Variants in TRPC4 observed in about 807,000 individuals in gnomAD.
The protein encoded by TRPC4 is short transient receptor potential channel 4.
TRPC4 carries 49 observed loss-of-function variants against 99.4 expected under a neutral mutation model. That is an observed-to-expected ratio of 0.49 (90% CI 0.39 to 0.63). The LOEUF is 0.63. Among genes scored for constraint, TRPC4 ranks in the 20% least tolerant of loss-of-function variants. TRPC4 has a pLI of 0.00. For missense variants in TRPC4, 898 were observed against 1,152.9 expected (o/e 0.78, Z 3.20); for synonymous variants, 454 against 425.9 (o/e 1.07, Z -0.81).
rs960033085 is a variant in TRPC4, at chr13:37,750,811, C to G, written c.379-4356G>C. 6.6e-5 allele frequency among the ~76,000 whole-genome samples: 10 copies of G among 152,092 alleles called. No individual in the cohort carries two copies. In the East Asian group the frequency reaches 1.8e-3, roughly 27 times the overall value. ...TATCCCTCCCCTAGCCCCCAACCCT[C>G]CGACAGGCCCCGGTGTGTGATGTAC... On this transcript the variant is annotated intron_variant, in intron 2 of 10. Coordinates refer to ENST00000379705, the MANE Select transcript of TRPC4 (RefSeq NM_016179.4).
intron 3 of TRPC4, among the ~76,000 whole-genome samples, chr13:37,745,467 TATATATAC>T (rs1337994685): frequency 0.019 from 412 of 21,646 alleles, 8 homozygotes; most frequent in African/African-American, 0.055. Context: ...TATATATATA[TATATATAC>T]ACACACACAC....
chr13:37,676,378 CTTTT>C (rs10710896), intron 4 of TRPC4, among the ~76,000 whole-genome samples: 3 of 144,186 alleles, frequency 2.1e-5, no homozygotes, highest in African/African-American at 2.6e-5. Flanking sequence ...GGAGTAACAT[CTTTT>C]TTTTTTTTTT....
At chr13:37,806,876 G>C (rs909652204) in intron 1 of TRPC4, among the ~76,000 whole-genome samples, 1 of 151,990 alleles carries the variant, frequency 6.6e-6, no homozygotes, top group Admixed American at 6.6e-5. Flanking sequence ...CACAGTGGGC[G>C]CTGTCTCCTG....
At position 37,740,503 on chromosome 13, in the gene TRPC4, G is replaced by C. The variant is rs12858218; in HGVS notation, c.897+5434C>G. 9.9e-5 allele frequency among the ~76,000 whole-genome samples: 15 copies of C among 152,048 alleles called. No homozygotes were observed. In the South Asian group the frequency reaches 3.1e-3, roughly 32 times the overall value. ...AAGGCCATGATATACAGACAAGTAGGGTTCTAGGCAGTTTTAAGAAGACAC... is the reference window on the plus strand; with the variant it reads ...AAGGCCATGATATACAGACAAGTAGCGTTCTAGGCAGTTTTAAGAAGACAC... On this transcript the variant is annotated intron_variant, in intron 3 of 10. Coordinates refer to ENST00000379705, the MANE Select transcript of TRPC4 (RefSeq NM_016179.4).
intron 3 of TRPC4, among the ~76,000 whole-genome samples, chr13:37,706,312 ATTC>A: frequency 6.6e-6 from 1 of 152,112 alleles, no homozygotes. Context: ...GACGCTTTAT[ATTC>A]TTGTGCCTAT....
chr13:37,722,822 A>G (rs1381644817), intron 3 of TRPC4, among the ~76,000 whole-genome samples: 1 of 152,208 alleles, frequency 6.6e-6, no homozygotes, highest in Non-Finnish European at 1.5e-5. Context: ...GCATGAAAAA[A>G]AAAAGATGAA....
At chr13:37,775,942 G>T (rs1956688442) in intron 2 of TRPC4, among the ~76,000 whole-genome samples, 1 of 151,736 alleles carries the variant, frequency 6.6e-6, no homozygotes, top group Non-Finnish European at 1.5e-5. Context: ...CCTATAATTT[G>T]CTGGTCTTCA....
intron 6 of TRPC4, among the ~76,000 whole-genome samples, chr13:37,660,394 G>A (rs1952392610): frequency 6.6e-6 from 1 of 152,080 alleles, no homozygotes; most frequent in Non-Finnish European, 1.5e-5. Context: ...ATAATTTTTA[G>A]AGCAGTTTTA....
chr13:37,649,755 A>AC (rs1951975104), intron 8 of TRPC4, among the ~76,000 whole-genome samples: 1 of 130,096 alleles, frequency 7.7e-6, no homozygotes, highest in East Asian at 2.1e-4. Context: ...AAAAAAAAAA[A>AC]AAAAACAACA....
At chr13:37,783,541 T>C (rs1337073199) in intron 1 of TRPC4, among the ~76,000 whole-genome samples, 181 bp from the exon 2 acceptor site, 1 of 152,020 alleles carries the variant, frequency 6.6e-6, no homozygotes, top group Non-Finnish European at 1.5e-5. Flanking sequence ...TTCAATTATG[T>C]GGAAACAAAG....
At position 37,746,301 on chromosome 13, in the gene TRPC4, C is replaced by A; in HGVS notation, c.533G>T (p.Cys178Phe). The change falls in exon 3 of 11, where the codon TGT becomes TTT. Residue 178 changes from cysteine to phenylalanine, a missense_variant. Physicochemically the swap from Cys to Phe is radical, Grantham distance 205. Transcript: ENST00000379705. ...VPRPHEVRCNCVECVSSSDVD... is the reference protein window; with the variant it reads ...VPRPHEVRCNFVECVSSSDVD... ...ATCTGAACTGGACACGCATTCCACACAGTTACAGCGGACCTCGTGGGGTCG... is the reference window on the plus strand; with the variant it reads ...ATCTGAACTGGACACGCATTCCACAAAGTTACAGCGGACCTCGTGGGGTCG... 1 of 1,613,826 alleles carries A rather than the reference C, an allele frequency of 6.2e-7. No homozygotes were observed. The highest frequency in any genetic ancestry group is 1.7e-4 in the Middle Eastern group (1 of 6,054).
intron 3 of TRPC4, among the ~76,000 whole-genome samples, chr13:37,696,870 A>G (rs1953919213): frequency 6.6e-6 from 1 of 151,892 alleles, no homozygotes; most frequent in Non-Finnish European, 1.5e-5. Flanking sequence ...GATTATTTAC[A>G]GGCAGAAGAA....
At chr13:37,736,063 G>T (rs975243234) in intron 3 of TRPC4, among the ~76,000 whole-genome samples, 1 of 152,164 alleles carries the variant, frequency 6.6e-6, no homozygotes, top group Non-Finnish European at 1.5e-5. Flanking sequence ...TAGCTGTAAA[G>T]AAACTCATGG....
chr13:37,865,486 G>A (rs115094395), intron 1 of TRPC4, among the ~76,000 whole-genome samples: 1 of 151,222 alleles, frequency 6.6e-6, no homozygotes, highest in Non-Finnish European at 1.5e-5. Flanking sequence ...TTATATTTAA[G>A]AATAAGAAAG....
At chr13:37,680,215 T>C (rs1048643350) in intron 4 of TRPC4, among the ~76,000 whole-genome samples, 3 of 152,164 alleles carry the variant, frequency 2.0e-5, no homozygotes, top group African/African-American at 7.2e-5. Context: ...TGGTACAATG[T>C]TGCTTATTTG....
At chr13:37,810,435 C>G (rs1957644875) in intron 1 of TRPC4, among the ~76,000 whole-genome samples, 1 of 151,946 alleles carries the variant, frequency 6.6e-6, no homozygotes, top group Non-Finnish European at 1.5e-5. Flanking sequence ...TGATACTATA[C>G]TAAATATTAT....
At chr13:37,710,470 C>T (rs1481486731) in intron 3 of TRPC4, among the ~76,000 whole-genome samples, 1 of 151,878 alleles carries the variant, frequency 6.6e-6, no homozygotes, top group Admixed American at 6.6e-5. Flanking sequence ...TTATTACCTA[C>T]ACCACACAGA....
intron 2 of TRPC4, among the ~76,000 whole-genome samples, chr13:37,767,124 G>A (rs1444780832): frequency 1.3e-5 from 2 of 151,178 alleles, no homozygotes; most frequent in East Asian, 2.0e-4. Context: ...CTATATTTAT[G>A]TTTAAACTGC....
At chr13:37,767,541 A>G (rs1956411291) in intron 2 of TRPC4, among the ~76,000 whole-genome samples, 2 of 151,326 alleles carry the variant, frequency 1.3e-5, no homozygotes. Flanking sequence ...TCCACTTAAA[A>G]TATTAGGCAG....
Sources: gnomAD v4.1 joint callset for allele counts (sites outside exome capture counted in the v4.1 genomes callset) on GRCh38, gnomAD v4.1.1 for gene constraint, MANE v1.5 for transcripts, NCBI Gene and HGNC (gene_info 2026-07-23, HGNC 2026-07-21) for gene names.